PPM1H: variants seen among roughly 807,000 people sequenced by gnomAD.
PPM1H encodes the protein protein phosphatase 1H.
Under a neutral mutation model 54.9 loss-of-function variants are expected in PPM1H, and 27 were observed. The ratio of observed to expected loss-of-function variants is 0.49; its 90% CI spans 0.36 to 0.68. The LOEUF (loss-of-function observed/expected upper bound fraction) is 0.68. Ranked by LOEUF, PPM1H falls within the 30% of genes least tolerant of loss-of-function variation. PPM1H has a pLI of 0.00. For synonymous variants in PPM1H, 305 were observed against 270.8 expected, an observed-to-expected ratio of 1.13 and a Z score of -1.24; for missense variants, 596 against 667.8, an observed-to-expected ratio of 0.89 and a Z score of 1.19.
chr12:62,765,910 G>A (rs2076539841), intron 4 of PPM1H, among the ~76,000 whole-genome samples: 1 of 152,240 alleles, frequency 6.6e-6, no homozygotes, highest in Non-Finnish European at 1.5e-5. Flanking sequence ...GTATGAGGAT[G>A]AGAAGTGACA....
At chr12:62,863,606 T>C (rs1050587317) in intron 1 of PPM1H, among the ~76,000 whole-genome samples, 1 of 152,202 alleles carries the variant, frequency 6.6e-6, no homozygotes, top group Non-Finnish European at 1.5e-5. Flanking sequence ...AGCCTAAGTT[T>C]GGAAATTTTT....
At chr12:62,866,831 C>A (rs551291621) in intron 1 of PPM1H, among the ~76,000 whole-genome samples, 1 of 152,008 alleles carries the variant, frequency 6.6e-6, no homozygotes, top group East Asian at 1.9e-4. Context: ...AGCACTGTTC[C>A]CCTTTCTCCA....
At chr12:62,753,522 G>A (rs552513292) in intron 4 of PPM1H, among the ~76,000 whole-genome samples, 11 of 152,304 alleles carry the variant, frequency 7.2e-5, no homozygotes, top group East Asian at 1.9e-4. Flanking sequence ...ATTCAGGGAC[G>A]GAAGCATTTG....
At chr12:62,927,829 C>T (rs1372981727) in intron 1 of PPM1H, among the ~76,000 whole-genome samples, 1 of 151,836 alleles carries the variant, frequency 6.6e-6, no homozygotes, top group East Asian at 1.9e-4. Flanking sequence ...GAGACCAAAT[C>T]TAAAATACTA....
At chr12:62,852,417 C>A (rs1214076718) in intron 1 of PPM1H, among the ~76,000 whole-genome samples, 1 of 151,990 alleles carries the variant, frequency 6.6e-6, no homozygotes. Context: ...CTCACTGGAA[C>A]CTGACCATGC....
At chr12:62,741,380 G>T (rs1411065598) in intron 4 of PPM1H, among the ~76,000 whole-genome samples, 1 of 152,148 alleles carries the variant, frequency 6.6e-6, no homozygotes, top group Non-Finnish European at 1.5e-5. Context: ...TCTGCCCCGT[G>T]CTTCATAGGG....
At chr12:62,833,533 A>G (rs1868413993) in intron 1 of PPM1H, among the ~76,000 whole-genome samples, 1 of 152,198 alleles carries the variant, frequency 6.6e-6, no homozygotes, top group Non-Finnish European at 1.5e-5. Context: ...TCCTGACCTT[A>G]TTCAAATTTC....
At chr12:62,654,827 T>G (rs898827194) in intron 9 of PPM1H, among the ~76,000 whole-genome samples, 2 of 152,220 alleles carry the variant, frequency 1.3e-5, no homozygotes, top group South Asian at 2.1e-4. Context: ...GCAGCTGCCC[T>G]GATCCATGTA....
intron 4 of PPM1H, among the ~76,000 whole-genome samples, chr12:62,759,504 C>T (rs76947469): frequency 2.6e-5 from 4 of 152,174 alleles, no homozygotes; most frequent in Admixed American, 6.5e-5. Context: ...ACATTTTATC[C>T]GTGGACCCAA....
chr12:62,694,081 C>A, intron 6 of PPM1H, 82 bp from the exon 7 acceptor site: 1 of 1,270,082 alleles, frequency 7.9e-7, no homozygotes, highest in Non-Finnish European at 1.1e-6. Context: ...CTAGGGATTT[C>A]ATTTTCCCTG....
At chr12:62,893,269 T>C (rs573164306) in intron 1 of PPM1H, among the ~76,000 whole-genome samples, 5 of 152,182 alleles carry the variant, frequency 3.3e-5, no homozygotes, top group Non-Finnish European at 7.3e-5. Flanking sequence ...TTCAACAACA[T>C]AAATTTGTAC....
In PPM1H at chr12:62,856,775, G is replaced by A. The variant is rs748109003; in HGVS notation, c.246-24496C>T. Among the ~76,000 whole-genome samples the A allele has an allele frequency of 3.3e-5, 5 of 152,250 alleles. No homozygotes were observed. The East Asian group carries it at 9.6e-4, about 29-fold the overall frequency. On this transcript the variant is annotated intron_variant, in intron 1 of 9. Transcript: ENST00000228705. ...CTGATGCCAAACAGGATCTGACACT[G>A]TATCTAGTACTGCACTGAAAATTTT...
At chr12:62,800,095 C>T (rs947893029) in intron 3 of PPM1H, among the ~76,000 whole-genome samples, 22 of 152,132 alleles carry the variant, frequency 1.4e-4, no homozygotes, top group African/African-American at 4.6e-4. Context: ...AGAAGGGACA[C>T]GTTTAAATAA....
At chr12:62,836,783 T>C (rs1434671250) in intron 1 of PPM1H, among the ~76,000 whole-genome samples, 1 of 152,202 alleles carries the variant, frequency 6.6e-6, no homozygotes, top group Non-Finnish European at 1.5e-5. Context: ...ATACCCAGTT[T>C]ATTCAACTCT....
intron 6 of PPM1H, among the ~76,000 whole-genome samples, chr12:62,713,996 CA>C (rs1214261205): frequency 6.6e-6 from 1 of 151,800 alleles, no homozygotes; most frequent in African/African-American, 2.4e-5. Context: ...CAAACCAAAA[CA>C]AAAAACTCTT....
chr12:62,695,998 G>T (rs2076113179), intron 6 of PPM1H, among the ~76,000 whole-genome samples: 1 of 152,176 alleles, frequency 6.6e-6, no homozygotes, highest in Non-Finnish European at 1.5e-5. Flanking sequence ...ATCTGGTGTA[G>T]AAGAGTTGGG....
chr12:62,683,165 C>T (rs962808550), intron 8 of PPM1H, among the ~76,000 whole-genome samples: 5 of 151,358 alleles, frequency 3.3e-5, no homozygotes, highest in African/African-American at 4.9e-5. Context: ...TCGCCTTGGC[C>T]TCCCAAAGTG....
Position 62,721,788 on chromosome 12 carries a change from C to T in PPM1H, c.955-1499G>A, listed in dbSNP as rs543736234. On this transcript the variant is annotated intron_variant, in intron 5 of 9. Transcript: ENST00000228705. Reference sequence around the variant, plus strand: ...AATGAGATTAATTATATATCCCACACTGCTGTTTTCATAATGTAATGTCTA... The same window carrying T: ...AATGAGATTAATTATATATCCCACATTGCTGTTTTCATAATGTAATGTCTA... Among the ~76,000 whole-genome samples, 14 of 152,290 alleles carry T rather than the reference C, an allele frequency of 9.2e-5. No individual in the cohort carries two copies. The South Asian group carries it at 1.5e-3, about 16-fold the overall frequency.
chr12:62,760,088 T>C (rs1273136921), intron 4 of PPM1H, among the ~76,000 whole-genome samples: 1 of 152,202 alleles, frequency 6.6e-6, no homozygotes, highest in African/African-American at 2.4e-5. Flanking sequence ...AATCTAAGCA[T>C]CTTATTTTCT....
Sources: gnomAD v4.1 joint callset for allele counts (sites outside exome capture counted in the v4.1 genomes callset) on GRCh38, gnomAD v4.1.1 for gene constraint, MANE v1.5 for transcripts, NCBI Gene and HGNC (gene_info 2026-07-23, HGNC 2026-07-21) for gene names.